Variants in NMUR1 observed in about 807,000 individuals in gnomAD.
NMUR1 encodes neuromedin-U receptor 1.
NMUR1 carries 16 observed loss-of-function variants against 18.8 expected under a neutral mutation model. The observed-to-expected ratio is 0.85, with a 90% CI of 0.58 to 1.29. The LOEUF (loss-of-function observed/expected upper bound fraction) is 1.29. Among genes scored for constraint, NMUR1 ranks in the 50% most tolerant of loss-of-function variants. The pLI, the probability that NMUR1 is intolerant of heterozygous loss-of-function variation, is 0.00. For missense variants in NMUR1, 529 were observed against 580.3 expected (o/e 0.91, Z 0.91); for synonymous variants, 258 against 258.2 (o/e 1.00, Z 0.01).
At chr2:231,519,803 A>G (rs990374617), downstream of NMUR1, among the ~76,000 whole-genome samples, 8 of 152,310 alleles carry the variant, frequency 5.3e-5, no homozygotes, top group East Asian at 1.5e-3. Flanking sequence ...AGAAAAATGT[A>G]AGTATGAGTC....
intron 1 of NMUR1, 131 bp downstream of exon 1, chr2:231,530,228 C>T: frequency 8.9e-7 from 1 of 1,120,582 alleles, no homozygotes; most frequent in Non-Finnish European, 1.2e-6. Context: ...AGTTGCGAGG[C>T]TCCCCGGTGG....
Position 231,528,212 on chromosome 2 carries a change from T to G in NMUR1, c.809A>C (p.Lys270Thr), listed in dbSNP as rs1395533130. 2 of 1,611,402 alleles carry G rather than the reference T, an allele frequency of 1.2e-6. No homozygotes were observed. The highest frequency in any genetic ancestry group is 1.7e-5 in the Admixed American group (1 of 59,898). ...RERLLLMQEA[K>T]GRGSAAARSR... Reference sequence around the variant, plus strand: ...CCTGGCTGCTGCAGAGCCCCTGCCCTTGGCCTCCTGCATGAGCAGCAGCCT... The same window carrying G: ...CCTGGCTGCTGCAGAGCCCCTGCCCGTGGCCTCCTGCATGAGCAGCAGCCT... The change falls in exon 2 of 3, where the codon AAG becomes ACG. Residue 270 changes from lysine to threonine, a missense_variant. Lys to Thr is a moderately conservative substitution (Grantham distance 78, BLOSUM62 -1). Transcript: ENST00000305141.
chr2:231,530,247 G>C, intron 1 of NMUR1, 112 bp downstream of exon 1: 2 of 1,297,918 alleles, frequency 1.5e-6, no homozygotes, highest in Non-Finnish European at 2.1e-6. Flanking sequence ...GGCGGGGACG[G>C]GGGGCACCCC....
At chr2:231,527,637 CAAAAAAAAAAAA>C (rs10522812) in intron 2 of NMUR1, among the ~76,000 whole-genome samples, 40,742 of 100,240 alleles carry the variant, frequency 0.41, 6,449 homozygotes, top group South Asian at 0.59. Flanking sequence ...GACCCTGTCT[CAAAAAAAAAAAA>C]AAAAAAAAAA....
At chr2:231,529,799 C>A (rs768009506) in intron 1 of NMUR1, among the ~76,000 whole-genome samples, 1 of 152,176 alleles carries the variant, frequency 6.6e-6, no homozygotes, top group East Asian at 1.9e-4. Context: ...GGAGTTTAAT[C>A]CATTAAAGAC....
Position 231,528,210 on chromosome 2 carries a change from C to T in NMUR1, c.811G>A (p.Gly271Ser). Reference sequence around the variant, plus strand: ...GACCTGGCTGCTGCAGAGCCCCTGCCCTTGGCCTCCTGCATGAGCAGCAGC... The same window carrying T: ...GACCTGGCTGCTGCAGAGCCCCTGCTCTTGGCCTCCTGCATGAGCAGCAGC... ...ERLLLMQEAKGRGSAAARSRY... is the reference protein window; with the variant it reads ...ERLLLMQEAKSRGSAAARSRY... The change falls in exon 2 of 3, where the codon GGC becomes AGC. Residue 271 changes from glycine to serine, a missense_variant. Physicochemically the swap from Gly to Ser is moderately conservative, Grantham distance 56. Coordinates refer to ENST00000305141, the MANE Select transcript of NMUR1 (RefSeq NM_006056.5). The T allele has an allele frequency of 6.2e-7, 1 of 1,611,172 alleles. No homozygotes were observed. Among genetic ancestry groups the T allele is most frequent in the African/African-American group, 1.3e-5 (1 of 75,050 alleles).
intron 1 of NMUR1, 84 bp downstream of exon 1, chr2:231,530,275 C>G: frequency 6.8e-7 from 1 of 1,463,544 alleles, no homozygotes; most frequent in South Asian, 1.2e-5. Flanking sequence ...CCCTCGGACC[C>G]TTCCCGCCCT....
downstream of NMUR1, among the ~76,000 whole-genome samples, chr2:231,521,593 C>T (rs1047513213): frequency 6.6e-6 from 1 of 152,046 alleles, no homozygotes; most frequent in African/African-American, 2.4e-5. Context: ...TGGACTCTGA[C>T]GTCACCCAGG....
intron 1 of NMUR1, 59 bp downstream of exon 1, chr2:231,530,300 C>G: frequency 6.7e-7 from 1 of 1,498,784 alleles, no homozygotes; most frequent in Non-Finnish European, 8.9e-7. Flanking sequence ...CGACCCTGCC[C>G]GCACCGAGCC....
chr2:231,524,366 A>C lies in NMUR1; in HGVS notation c.*677T>G, dbSNP rs1401145333. On this transcript the variant is annotated 3_prime_UTR_variant, in exon 3 of 3. Coordinates refer to ENST00000305141, the MANE Select transcript of NMUR1 (RefSeq NM_006056.5). ...TCAAGAGTTTGAGACCAGCCTGGCC[A>C]ACATGGTGAAACCCCGTCTCTACTA... The C allele has an allele frequency of 6.6e-6, 1 of 152,202 alleles. No individual in the cohort carries two copies. Among genetic ancestry groups the C allele is most frequent in the Non-Finnish European group, 1.5e-5 (1 of 68,054 alleles). 9.4% of individuals were successfully genotyped at this position (152,202 alleles called of 1,614,324 possible).
In NMUR1 at chr2:231,525,381, C is replaced by T. The variant is rs141298311; in HGVS notation, c.943G>A (p.Ala315Thr). 12 of 1,613,650 alleles carry T rather than the reference C, an allele frequency of 7.4e-6. No individual in the cohort carries two copies. Among genetic ancestry groups the T allele is most frequent in the African/African-American group, 2.7e-5 (2 of 74,942 alleles). Residue 315 changes from alanine to threonine, a missense_variant, in exon 3 of 3, where the codon GCC (alanine) becomes ACC (threonine). Ala to Thr is a moderately conservative substitution (Grantham distance 58, BLOSUM62 0). Coordinates refer to ENST00000305141, the MANE Select transcript of NMUR1 (RefSeq NM_006056.5). ...ACGACGCTCCACATGACGCGGTCGG[C>T]GTGGAACGGGGCCCAGCAGATGCCA... ...VFGICWAPFH[A>T]DRVMWSVVSQ...
In NMUR1 at chr2:231,525,210, A is replaced by AC. The variant is rs551898540; in HGVS notation, c.1113dup (p.Cys372ValfsTer29). 24 of 1,614,108 alleles carry AC rather than the reference A, an allele frequency of 1.5e-5. No homozygotes were observed. The East Asian group carries it at 4.7e-4, about 31-fold the overall frequency. On this transcript the variant is annotated frameshift_variant, in exon 3 of 3. Coordinates refer to ENST00000305141, the MANE Select transcript of NMUR1 (RefSeq NM_006056.5). LOFTEE classifies it low-confidence loss of function (END_TRUNC). ...AGGCGATGGCAGCAGGCCCCGAGGC[A>AC]CAGGGCCTCCTGGAAGGTCTCTCGG... is the stretch of plus-strand genomic sequence containing the variant.
chr2:231,525,714 C>A (rs2047349682), intron 2 of NMUR1, among the ~76,000 whole-genome samples: 1 of 152,244 alleles, frequency 6.6e-6, no homozygotes, highest in Non-Finnish European at 1.5e-5. Flanking sequence ...CAATCAGATT[C>A]TCTCACCCTG....
At chr2:231,520,050 C>T (rs566866242), downstream of NMUR1, among the ~76,000 whole-genome samples, 1 of 152,288 alleles carries the variant, frequency 6.6e-6, no homozygotes, top group South Asian at 2.1e-4. Flanking sequence ...AGAATAATTA[C>T]AGAATATTAC....
At chr2:231,522,930 TA>T, downstream of NMUR1, among the ~76,000 whole-genome samples, 1 of 152,050 alleles carries the variant, frequency 6.6e-6, no homozygotes, top group South Asian at 2.1e-4. Flanking sequence ...GCCAGGGACT[TA>T]GTAGGCAGGG....
intron 2 of NMUR1, among the ~76,000 whole-genome samples, chr2:231,525,687 C>T (rs1468434889): frequency 1.3e-5 from 2 of 152,210 alleles, no homozygotes; most frequent in South Asian, 2.1e-4. Context: ...GGTGTGGACA[C>T]CTAAGCCCAG....
At chr2:231,519,949 GAT>G (rs771479539), downstream of NMUR1, among the ~76,000 whole-genome samples, 195 of 152,014 alleles carry the variant, frequency 1.3e-3, no homozygotes, top group Middle Eastern at 3.4e-3. Flanking sequence ...AAGAAGATAA[GAT>G]AAAATAAAAT....
rs144993930 is a variant in NMUR1, at chr2:231,525,204, C to T, written c.1120G>A (p.Gly374Arg). The T allele has an allele frequency of 3.0e-5, 49 of 1,614,008 alleles. No individual in the cohort carries two copies. In the African/African-American group the frequency reaches 3.5e-4, roughly 11 times the overall value. ...RETFQEALCL[G>R]ACCHRLRPRH... The stretch of plus-strand genomic sequence containing the variant: ...GGTCTGAGGCGATGGCAGCAGGCCC[C>T]GAGGCACAGGGCCTCCTGGAAGGTC... The change falls in exon 3 of 3, where the codon GGG becomes AGG. Residue 374 changes from glycine (G) to arginine (R), a missense_variant. By Grantham distance (125) the Gly-to-Arg change is moderately radical. Coordinates refer to ENST00000305141, the MANE Select transcript of NMUR1 (RefSeq NM_006056.5).
Position 231,527,142 on chromosome 2 carries a change from G to C in NMUR1, c.898+981C>G, listed in dbSNP as rs572124058. On this transcript the variant is annotated intron_variant, in intron 2 of 2. Transcript: ENST00000305141. The stretch of plus-strand genomic sequence containing the variant: ...CTTTGCTCCCCCCAGATCTCACTGT[G>C]TAGTTCCACTGGGGGCTGTGCACCT... Among the ~76,000 whole-genome samples the C allele has an allele frequency of 1.1e-4, 17 of 151,916 alleles. No individual in the cohort carries two copies. In the East Asian group the frequency reaches 2.9e-3, roughly 26 times the overall value.
Sources: gnomAD v4.1 joint callset for allele counts (sites outside exome capture counted in the v4.1 genomes callset) on GRCh38, gnomAD v4.1.1 for gene constraint, MANE v1.5 for transcripts, NCBI Gene and HGNC (gene_info 2026-07-23, HGNC 2026-07-21) for gene names.